Variants in GPR158 observed in about 807,000 individuals in gnomAD.
GPR158 encodes metabotropic glycine receptor.
GPR158 carries 30 observed loss-of-function variants against 78.2 expected under a neutral mutation model. The ratio of observed to expected loss-of-function variants is 0.38; its 90% CI spans 0.29 to 0.52. The LOEUF (loss-of-function observed/expected upper bound fraction) is 0.52, where lower values mean the gene tolerates loss of function less well. GPR158 is among the 20% of genes least tolerant of loss of function. The pLI, the probability that GPR158 is intolerant of heterozygous loss-of-function variation, is 0.83. For missense variants in GPR158, 1,463 were observed against 1,523.5 expected (o/e 0.96, Z 0.66); for synonymous variants, 581 against 591.1 (o/e 0.98, Z 0.25).
rs550016304 is a variant in GPR158 at position 25,386,886 on chromosome 10, A to G, written c.1009-9025A>G. On this transcript the variant is annotated intron_variant, in intron 2 of 10. Coordinates refer to ENST00000376351, the MANE Select transcript of GPR158 (RefSeq NM_020752.3). ...TGTGTGTGGAATTTCAGGGTTTTCTACCCTCAAATTATATAAGATCTTGTC... is the reference window on the plus strand; with the variant it reads ...TGTGTGTGGAATTTCAGGGTTTTCTGCCCTCAAATTATATAAGATCTTGTC... Among the ~76,000 whole-genome samples the G allele has an allele frequency of 2.0e-5, 3 of 152,224 alleles. No homozygotes were observed. In the South Asian group the frequency reaches 6.2e-4, roughly 32 times the overall value.
At chr10:25,427,804 A>G (rs1018254491) in intron 4 of GPR158, among the ~76,000 whole-genome samples, 2 of 152,026 alleles carry the variant, frequency 1.3e-5, no homozygotes, top group African/African-American at 4.8e-5. Context: ...CCCACAACAG[A>G]TTTCATCATT....
chr10:25,328,338 A>G (rs1186627214), intron 2 of GPR158, among the ~76,000 whole-genome samples: 1 of 152,198 alleles, frequency 6.6e-6, no homozygotes, highest in Admixed American at 6.5e-5. Flanking sequence ...TTTATTTAGT[A>G]TCTAAAAACA....
chr10:25,217,025 G>A (rs920866793), intron 1 of GPR158, among the ~76,000 whole-genome samples: 3 of 152,106 alleles, frequency 2.0e-5, no homozygotes, highest in African/African-American at 7.2e-5. Context: ...GGGTTTATAT[G>A]TTTCAAATAT....
chr10:25,224,032 C>T (rs922291062), intron 2 of GPR158, among the ~76,000 whole-genome samples: 5 of 152,064 alleles, frequency 3.3e-5, no homozygotes, highest in Admixed American at 2.0e-4. Flanking sequence ...GCCTCAGGAG[C>T]ATTTTAGAAA....
intron 4 of GPR158, among the ~76,000 whole-genome samples, chr10:25,452,905 G>A (rs1484220095): frequency 1.3e-5 from 2 of 152,074 alleles, no homozygotes; most frequent in Non-Finnish European, 2.9e-5. Context: ...TCTAGCCCCT[G>A]CAGCCACCAT....
At chr10:25,332,341 T>C (rs1855137788) in intron 2 of GPR158, among the ~76,000 whole-genome samples, 1 of 152,242 alleles carries the variant, frequency 6.6e-6, no homozygotes, top group Admixed American at 6.5e-5. Context: ...ATATTGACAA[T>C]GTTTCTTAAG....
intron 2 of GPR158, among the ~76,000 whole-genome samples, chr10:25,319,580 C>A (rs557799206): frequency 6.6e-6 from 1 of 152,084 alleles, no homozygotes; most frequent in African/African-American, 2.4e-5. Context: ...CTATAACATA[C>A]TTTTCTAGTT....
At chr10:25,203,758 A>G (rs1852969738) in intron 1 of GPR158, among the ~76,000 whole-genome samples, 2 of 144,534 alleles carry the variant, frequency 1.4e-5, no homozygotes, top group South Asian at 4.7e-4. Flanking sequence ...TTGGTTCCAT[A>G]TGAACTTTAA....
At chr10:25,245,383 C>T (rs1344454703) in intron 2 of GPR158, among the ~76,000 whole-genome samples, 1 of 151,962 alleles carries the variant, frequency 6.6e-6, no homozygotes, top group African/African-American at 2.4e-5. Flanking sequence ...TTTATTAACA[C>T]ATATGATAGA....
chr10:25,559,754 G>A (rs1836838074), intron 6 of GPR158, among the ~76,000 whole-genome samples: 1 of 152,140 alleles, frequency 6.6e-6, no homozygotes, highest in South Asian at 2.1e-4. Context: ...TATAACTAGT[G>A]CTATTTAGAT....
chr10:25,283,893 T>G (rs1490001681), intron 2 of GPR158, among the ~76,000 whole-genome samples: 1 of 152,028 alleles, frequency 6.6e-6, no homozygotes, highest in Non-Finnish European at 1.5e-5. Context: ...TCATTTATAA[T>G]TATGTTAATT....
chr10:25,449,909 G>T (rs1323664226), intron 4 of GPR158, among the ~76,000 whole-genome samples: 3 of 151,542 alleles, frequency 2.0e-5, no homozygotes, highest in African/African-American at 7.3e-5. Context: ...CTTATATATT[G>T]TATGTTTTTA....
intron 2 of GPR158, among the ~76,000 whole-genome samples, chr10:25,387,596 AC>A (rs770266735): frequency 4.8e-4 from 72 of 150,430 alleles, no homozygotes; most frequent in Admixed American, 1.7e-3. Context: ...GCTCACTGCA[AC>A]CTCCGCCTCC....
At chr10:25,299,500 TTC>T (rs1491233962) in intron 2 of GPR158, among the ~76,000 whole-genome samples, 5 of 152,202 alleles carry the variant, frequency 3.3e-5, no homozygotes, top group African/African-American at 1.2e-4. Context: ...ATTCTTTTTT[TTC>T]TCTGTCTGGC....
chr10:25,277,563 TAAG>T (rs1301470701), intron 2 of GPR158, among the ~76,000 whole-genome samples: 3 of 150,706 alleles, frequency 2.0e-5, no homozygotes, highest in Non-Finnish European at 4.4e-5. Context: ...TTGAAGGAAA[TAAG>T]AAGTTGAAAC....
chr10:25,210,472 T>C (rs1170981254), intron 1 of GPR158, among the ~76,000 whole-genome samples: 2 of 152,216 alleles, frequency 1.3e-5, no homozygotes, highest in African/African-American at 4.8e-5. Flanking sequence ...TGCATCAGTT[T>C]CCAGACCCAC....
intron 5 of GPR158, among the ~76,000 whole-genome samples, chr10:25,479,802 A>T (rs1835639883): frequency 6.6e-6 from 1 of 152,138 alleles, no homozygotes; most frequent in Non-Finnish European, 1.5e-5. Flanking sequence ...TCTAGATTTT[A>T]AAAAAATTAT....
intron 2 of GPR158, among the ~76,000 whole-genome samples, chr10:25,225,183 C>CCTTTTTTTTTTTTTTTT (rs553039231): frequency 2.2e-5 from 3 of 134,766 alleles, no homozygotes; most frequent in African/African-American, 8.5e-5. Flanking sequence ...GAACATTTGC[C>CCTTTTTTTTTTTTTTTT]TTTTTTTTTT....
intron 4 of GPR158, among the ~76,000 whole-genome samples, chr10:25,427,442 T>C (rs1834840277): frequency 5.3e-5 from 8 of 152,062 alleles, no homozygotes; most frequent in Admixed American, 4.6e-4. Context: ...AGAGAATATG[T>C]TTTTTTCAGG....
Sources: allele counts gnomAD v4.1 joint callset (sites outside exome capture counted in the v4.1 genomes callset), GRCh38; gene constraint gnomAD v4.1.1; transcripts MANE v1.5; gene names NCBI Gene and HGNC (gene_info 2026-07-23, HGNC 2026-07-21).